TUBA1C: variants seen among roughly 807,000 people sequenced by gnomAD.
TUBA1C encodes tubulin alpha-1C chain.
Under a neutral mutation model 34.9 loss-of-function variants are expected in TUBA1C, and 16 were observed. That is an observed-to-expected ratio of 0.46 (90% confidence interval 0.31 to 0.70). TUBA1C has a LOEUF of 0.70. TUBA1C is among the 30% of genes least tolerant of loss of function. The pLI, the probability that TUBA1C is intolerant of heterozygous loss-of-function variation, is 0.05. For synonymous variants in TUBA1C, 177 were observed against 215.9 expected (o/e 0.82, Z 1.58); for missense variants, 329 against 587.3 (o/e 0.56, Z 4.55).
At chr12:49,228,277 T>G in intron 1 of TUBA1C, 4 of 1,023,716 alleles carry the variant, frequency 3.9e-6, no homozygotes, top group Non-Finnish European at 5.6e-6. Flanking sequence ...TATTGTTTCA[T>G]GTTTAATTAT....
At chr12:49,271,284 C>G (rs1168610717) in intron 3 of TUBA1C, among the ~76,000 whole-genome samples, 1 of 152,136 alleles carries the variant, frequency 6.6e-6, no homozygotes. Flanking sequence ...CTTGGAGAAG[C>G]AAGAGTTTAC....
chr12:49,265,957 TAAAA>T (rs35622750), intron 1 of TUBA1C, among the ~76,000 whole-genome samples: 2 of 91,850 alleles, frequency 2.2e-5, no homozygotes, highest in African/African-American at 4.7e-5. Flanking sequence ...GTCTCTACTT[TAAAA>T]AAAAAAAAAA....
upstream of TUBA1C, among the ~76,000 whole-genome samples, chr12:49,264,296 G>GA (rs1942870448): frequency 2.0e-5 from 3 of 152,246 alleles, no homozygotes; most frequent in Admixed American, 6.5e-5. Flanking sequence ...CTAATGAACT[G>GA]AAAAAACTGC....
Position 49,272,921 on chromosome 12 carries a change from C to T in TUBA1C, c.1044C>T (p.Pro348=), listed in dbSNP as rs1565652020. ...KRTIQFVDWC[P]TGFKVGINYQ... ...CCATCCAGTTTGTGGATTGGTGCCC[C>T]ACTGGCTTCAAGGTTGGCATTAATT... The change falls in exon 4 of 4, where the codon CCC becomes CCT. Residue 348 remains proline, a synonymous_variant. Transcript: ENST00000301072. 1.2e-6 allele frequency: 2 copies of T among 1,614,224 alleles called. No homozygotes were observed. Among genetic ancestry groups the T allele is most frequent in the Non-Finnish European group, 1.7e-6 (2 of 1,180,040 alleles).
At chr12:49,262,193 T>C (rs935259783), upstream of TUBA1C, among the ~76,000 whole-genome samples, 12 of 151,474 alleles carry the variant, frequency 7.9e-5, no homozygotes, top group African/African-American at 2.7e-4. Flanking sequence ...GGCAGGAGGA[T>C]TGCTTGAGCC....
In TUBA1C at chr12:49,250,315, G is replaced by A. The variant is rs371729282; in HGVS notation, c.214-19150G>A. Among the ~76,000 whole-genome samples the A allele has an allele frequency of 1.0e-3, 156 of 152,176 alleles. No individual in the cohort carries two copies. The East Asian group carries it at 0.028, about 27-fold the overall frequency. On this transcript the variant is annotated intron_variant, in intron 1 of 3. Coordinates refer to the TUBA1C transcript ENST00000541364. ...CCAGGCAGGCGGATCACGAGGTCAG[G>A]AAATCGAGACCATCCTGGCTAACAC...
chr12:49,271,984 T>A (rs1175833300), intron 3 of TUBA1C, among the ~76,000 whole-genome samples: 4 of 152,158 alleles, frequency 2.6e-5, no homozygotes, highest in African/African-American at 7.2e-5. Context: ...TTTTTTTTTT[T>A]TGGAGACAGG....
At chr12:49,264,779 G>T (rs988716583), upstream of TUBA1C, 1 of 191,568 alleles carries the variant, frequency 5.2e-6, no homozygotes, top group Non-Finnish European at 1.1e-5. Flanking sequence ...CCATTCTCCA[G>T]CCCCAGAGCC....
chr12:49,244,782 GA>G (rs1942651188), intron 1 of TUBA1C, among the ~76,000 whole-genome samples: 1 of 152,098 alleles, frequency 6.6e-6, no homozygotes, highest in African/African-American at 2.4e-5. Context: ...TGTAAGGATG[GA>G]AAATGAGATT....
At chr12:49,260,993 CAA>C (rs1942835247), upstream of TUBA1C, among the ~76,000 whole-genome samples, 2 of 152,204 alleles carry the variant, frequency 1.3e-5, no homozygotes, top group Admixed American at 6.5e-5. Context: ...CCTGGCCTCC[CAA>C]AGTGTTGAGA....
intron 3 of TUBA1C, among the ~76,000 whole-genome samples, chr12:49,270,747 A>G (rs1435774529): frequency 6.6e-6 from 1 of 152,180 alleles, no homozygotes; most frequent in Non-Finnish European, 1.5e-5. Flanking sequence ...CTGGGAGGCC[A>G]AGGTGGGCGG....
In TUBA1C at chr12:49,246,061, C is replaced by G. The variant is rs373710564; in HGVS notation, c.213+17895C>G. ...CTGGGACTACAGGCATGCGCCACCA[C>G]GCCCACCTAATTTTTGTATTTTTTA... is the stretch of plus-strand genomic sequence containing the variant. On this transcript the variant is annotated intron_variant, in intron 1 of 3. Transcript: ENST00000541364. Among the ~76,000 whole-genome samples the G allele has an allele frequency of 7.9e-5, 12 of 152,202 alleles. 1 individual carries two copies. The East Asian group carries it at 2.2e-3, about 27-fold the overall frequency.
Position 49,273,841 on chromosome 12 carries a change from A to G in TUBA1C, c.*614A>G, listed in dbSNP as rs2137027338. On this transcript the variant is annotated 3_prime_UTR_variant, in exon 4 of 4. Coordinates refer to ENST00000301072, the MANE Select transcript of TUBA1C (RefSeq NM_032704.5). ...AGGTTTGGGGTCAACCTGGTGGCTC[A>G]TGCACTTCGGGAGGCCAAGTTGGGT... 2 of 156,744 alleles carry G rather than the reference A, an allele frequency of 1.3e-5. No homozygotes were observed. The highest frequency in any genetic ancestry group is 4.8e-5 in the African/African-American group (2 of 41,580). 9.7% of individuals were successfully genotyped at this position (156,744 alleles called of 1,614,324 possible). A position where few individuals can be genotyped will look rare whatever the true frequency, so the allele number is the denominator to read the frequency against.
intron 1 of TUBA1C, among the ~76,000 whole-genome samples, chr12:49,268,949 G>T (rs541420082): frequency 6.6e-6 from 1 of 152,212 alleles, no homozygotes; most frequent in Non-Finnish European, 1.5e-5. Context: ...TGGTCTTGCC[G>T]AGTAGTTCAT....
upstream of TUBA1C, among the ~76,000 whole-genome samples, chr12:49,262,473 G>T (rs1408537920): frequency 7.3e-6 from 1 of 137,046 alleles, no homozygotes; most frequent in Non-Finnish European, 1.5e-5. Context: ...CGTGTCTTCT[G>T]TCACCCTATT....
At chr12:49,228,074 C>T in exon 1 of TUBA1C, 1 of 1,535,712 alleles carries the variant, frequency 6.5e-7, no homozygotes, top group Non-Finnish European at 8.7e-7. Context: ...TAACTGGATT[C>T]TTATTTACTT....
intron 1 of TUBA1C, among the ~76,000 whole-genome samples, chr12:49,235,605 C>A (rs1020680739): frequency 1.1e-4 from 17 of 151,918 alleles, no homozygotes; most frequent in African/African-American, 4.8e-5. Flanking sequence ...CCTGGTGGTG[C>A]GCGCCTGTAA....
At chr12:49,256,073 C>G (rs535047848) in intron 1 of TUBA1C, among the ~76,000 whole-genome samples, 1 of 152,292 alleles carries the variant, frequency 6.6e-6, no homozygotes, top group South Asian at 2.1e-4. Context: ...CCACTGCACT[C>G]CAGCCTGGGT....
intron 1 of TUBA1C, among the ~76,000 whole-genome samples, chr12:49,235,784 C>CA (rs1942549255): frequency 1.3e-5 from 2 of 150,816 alleles, no homozygotes; most frequent in South Asian, 4.3e-4. Context: ...AAAAAGAGAC[C>CA]AGGCTGACTC....
Sources: gnomAD v4.1 joint callset for allele counts (sites outside exome capture counted in the v4.1 genomes callset) on GRCh38, gnomAD v4.1.1 for gene constraint, MANE v1.5 for transcripts, NCBI Gene and HGNC (gene_info 2026-07-23, HGNC 2026-07-21) for gene names.